The following EPHA6 variants were observed in gnomAD, a reference collection of about 807,000 sequenced individuals.
EPHA6 encodes EPH receptor A6.
In EPHA6, 50 loss-of-function variants were observed where a neutral mutation model predicts 112.0. That is an observed-to-expected ratio of 0.45 (90% CI 0.36 to 0.56). The LOEUF (loss-of-function observed/expected upper bound fraction) is 0.56. EPHA6 is among the 20% of genes least tolerant of loss of function. The pLI is 0.00. For missense variants in EPHA6, 1,280 were observed against 1,417.4 expected (o/e 0.90, Z 1.56); for synonymous variants, 529 against 490.7 (o/e 1.08, Z -1.03).
intron 5 of EPHA6, among the ~76,000 whole-genome samples, chr3:97,388,577 T>A (rs1237678065): frequency 1.3e-5 from 2 of 152,110 alleles, no homozygotes; most frequent in African/African-American, 4.8e-5. Context: ...AGAGATATGA[T>A]AGTTTTGTGA....
chr3:96,843,270 GTTTGC>G (rs753053152), intron 1 of EPHA6, among the ~76,000 whole-genome samples: 4 of 152,036 alleles, frequency 2.6e-5, no homozygotes, highest in Non-Finnish European at 5.9e-5. Flanking sequence ...CTAAAGAGGT[GTTTGC>G]TTTGTTTTAA....
At chr3:97,438,942 A>C (rs1344906632) in intron 6 of EPHA6, among the ~76,000 whole-genome samples, 2 of 152,222 alleles carry the variant, frequency 1.3e-5, no homozygotes, top group Non-Finnish European at 2.9e-5. Context: ...TCAAAAGATC[A>C]CACTTTAATA....
rs1271024173 is a variant in EPHA6 at position 96,950,137 on chromosome 3, G to A, written c.451-37193G>A. Reference sequence around the variant, plus strand: ...TTAAAGGATCTTGGAAACATGGTGTGTGTCACTTTCCCAGCTTCATATTTC... The same window carrying A: ...TTAAAGGATCTTGGAAACATGGTGTATGTCACTTTCCCAGCTTCATATTTC... On this transcript the variant is annotated intron_variant, in intron 2 of 17. Transcript: ENST00000389672. Among the ~76,000 whole-genome samples the A allele has an allele frequency of 2.0e-5, 3 of 152,028 alleles. No homozygotes were observed. In the East Asian group the frequency reaches 5.8e-4, roughly 29 times the overall value.
At chr3:97,624,386 A>G (rs2107513371) in intron 13 of EPHA6, among the ~76,000 whole-genome samples, 1 of 151,740 alleles carries the variant, frequency 6.6e-6, no homozygotes, top group East Asian at 1.9e-4. Flanking sequence ...TCAAATTATT[A>G]ATTTGAATTA....
At chr3:96,853,499 A>G (rs1279219933) in intron 1 of EPHA6, among the ~76,000 whole-genome samples, 1 of 152,008 alleles carries the variant, frequency 6.6e-6, no homozygotes, top group Non-Finnish European at 1.5e-5. Context: ...TGTGGAGAGC[A>G]CCATCTGATT....
intron 2 of EPHA6, among the ~76,000 whole-genome samples, chr3:96,874,465 C>A (rs897714753): frequency 6.6e-6 from 1 of 151,872 alleles, no homozygotes; most frequent in Non-Finnish European, 1.5e-5. Context: ...TGACTGTAGG[C>A]TAATTAAGTG....
At chr3:97,740,705 A>C (rs1004629309) in intron 16 of EPHA6, among the ~76,000 whole-genome samples, 4 of 152,126 alleles carry the variant, frequency 2.6e-5, no homozygotes, top group African/African-American at 9.6e-5. Flanking sequence ...GAATAGTACT[A>C]TCTCTCTCCA....
intron 3 of EPHA6, among the ~76,000 whole-genome samples, chr3:97,032,524 A>G (rs1050546425): frequency 1.4e-4 from 21 of 152,128 alleles, no homozygotes; most frequent in Middle Eastern, 3.4e-3. Flanking sequence ...ATGAGTCACT[A>G]TCTTAACTGT....
chr3:97,012,343 G>T (rs1183625092), intron 3 of EPHA6, among the ~76,000 whole-genome samples: 2 of 150,770 alleles, frequency 1.3e-5, no homozygotes, highest in Non-Finnish European at 3.0e-5. Flanking sequence ...TTGAGACAGG[G>T]TCTGACTCTG....
At chr3:97,103,648 A>G (rs1277828135) in intron 3 of EPHA6, among the ~76,000 whole-genome samples, 1 of 152,034 alleles carries the variant, frequency 6.6e-6, no homozygotes, top group Non-Finnish European at 1.5e-5. Context: ...TATAAATATT[A>G]AAATAGTTTT....
chr3:97,526,736 C>T (rs1463590250), intron 10 of EPHA6, among the ~76,000 whole-genome samples: 1 of 152,162 alleles, frequency 6.6e-6, no homozygotes, highest in Non-Finnish European at 1.5e-5. Flanking sequence ...CCCATTAGCA[C>T]TGATGGGCTA....
intron 5 of EPHA6, among the ~76,000 whole-genome samples, chr3:97,396,943 T>C (rs2086727094): frequency 6.6e-6 from 1 of 151,808 alleles, no homozygotes; most frequent in African/African-American, 2.4e-5. Context: ...CTAAACATTT[T>C]TTTTCTTCAA....
At chr3:97,412,300 A>C (rs2087775566) in intron 6 of EPHA6, among the ~76,000 whole-genome samples, 1 of 152,056 alleles carries the variant, frequency 6.6e-6, no homozygotes, top group Non-Finnish European at 1.5e-5. Flanking sequence ...CTACATAATT[A>C]ATCCCACTTC....
intron 6 of EPHA6, among the ~76,000 whole-genome samples, chr3:97,434,788 G>A (rs1397176258): frequency 1.3e-5 from 2 of 151,960 alleles, no homozygotes; most frequent in East Asian, 3.9e-4. Flanking sequence ...ACCTCAACTG[G>A]GATGGCGAAA....
chr3:96,901,825 T>A (rs2038629623), intron 2 of EPHA6, among the ~76,000 whole-genome samples: 1 of 152,200 alleles, frequency 6.6e-6, no homozygotes, highest in East Asian at 1.9e-4. Context: ...ACAGAAATGA[T>A]GTTATTATCA....
At chr3:97,393,321 G>A (rs1222614581) in intron 5 of EPHA6, among the ~76,000 whole-genome samples, 1 of 151,786 alleles carries the variant, frequency 6.6e-6, no homozygotes, top group East Asian at 1.9e-4. Flanking sequence ...TATATAAGCA[G>A]TTTTTCAAAT....
chr3:97,708,971 G>A (rs1299874104), intron 14 of EPHA6, among the ~76,000 whole-genome samples: 1 of 152,152 alleles, frequency 6.6e-6, no homozygotes, highest in Non-Finnish European at 1.5e-5. Flanking sequence ...GGATGTCCAG[G>A]CAGAAGTCTG....
rs148129778 is a variant in EPHA6 at position 97,541,662 on chromosome 3, T to G, written c.2386+9119T>G. On this transcript the variant is annotated intron_variant, in intron 11 of 17. Coordinates refer to ENST00000389672, the MANE Select transcript of EPHA6 (RefSeq NM_001080448.3). ...TCTTTTATGACCTTGAAACCTTTCATGTGCACTAATCAGTTATTTTGTAGA... is the reference window on the plus strand; with the variant it reads ...TCTTTTATGACCTTGAAACCTTTCAGGTGCACTAATCAGTTATTTTGTAGA... Among the ~76,000 whole-genome samples the G allele has an allele frequency of 5.2e-4, 79 of 152,164 alleles. 1 individual carries two copies. In the East Asian group the frequency reaches 0.015, roughly 28 times the overall value.
rs569388933 is a variant in EPHA6 at position 97,696,290 on chromosome 3, T to C, written c.2785-23971T>C. On this transcript the variant is annotated intron_variant, in intron 14 of 17. Transcript: ENST00000389672. ...AGAGAGCAGGATAGATCTTACTCCA[T>C]TGGTGCTCTCTTGATCTGGCATTGA... 5.3e-5 allele frequency among the ~76,000 whole-genome samples: 8 copies of C among 152,362 alleles called. No individual in the cohort carries two copies. In the South Asian group the frequency reaches 8.3e-4, roughly 16 times the overall value.
Sources: allele counts gnomAD v4.1 joint callset (sites outside exome capture counted in the v4.1 genomes callset), GRCh38; gene constraint gnomAD v4.1.1; transcripts MANE v1.5; gene names NCBI Gene and HGNC (gene_info 2026-07-23, HGNC 2026-07-21).